NDUFS6: variants seen among roughly 807,000 people sequenced by gnomAD.
NDUFS6 encodes the protein NADH:ubiquinone oxidoreductase subunit S6, also known as NADH dehydrogenase [ubiquinone] iron-sulfur protein 6, mitochondrial.
Under a neutral mutation model 13.2 loss-of-function variants are expected in NDUFS6, and 14 were observed. That is an observed-to-expected ratio of 1.06 (90% CI 0.70 to 1.66). The LOEUF (loss-of-function observed/expected upper bound fraction) is 1.66, where lower values mean the gene tolerates loss of function less well. NDUFS6 is among the 40% of genes most tolerant of loss of function. The pLI is 0.00. For synonymous variants in NDUFS6, 95 were observed against 72.3 expected (o/e 1.31, Z -1.60); for missense variants, 206 against 170.8 (o/e 1.21, Z -1.15).
intron 2 of NDUFS6, among the ~76,000 whole-genome samples, chr5:1,806,382 G>A (rs540337021): frequency 6.6e-6 from 1 of 152,258 alleles, no homozygotes; most frequent in South Asian, 2.1e-4. Context: ...GATTCTGCAC[G>A]TTTTCTGAGA....
intron 3 of NDUFS6, 73 bp from the exon 4 acceptor site, chr5:1,815,778 A>G (rs1403431709): frequency 8.9e-6 from 13 of 1,468,518 alleles, no homozygotes; most frequent in Admixed American, 1.7e-5. Context: ...TTATACATAC[A>G]TTTTCAATGC....
chr5:1,802,318 C>G lies in NDUFS6; in HGVS notation c.133-3C>G. ...CACACATGGTCTTTTTGTTTTTTTC[C>G]AGGTTTATGATGATAAAGACTACAG... On this transcript the variant is annotated splice_polypyrimidine_tract_variant and splice_region_variant and intron_variant, in intron 1 of 3. Coordinates refer to ENST00000274137, the MANE Select transcript of NDUFS6 (RefSeq NM_004553.6). 1 of 1,613,216 alleles carries G rather than the reference C, an allele frequency of 6.2e-7. No homozygotes were observed. The highest frequency in any genetic ancestry group is 8.5e-7 in the Non-Finnish European group (1 of 1,179,706).
chr5:1,803,504 C>G (rs913057463), intron 2 of NDUFS6, among the ~76,000 whole-genome samples: 1 of 152,094 alleles, frequency 6.6e-6, no homozygotes, highest in African/African-American at 2.4e-5. Context: ...GACTTGCAGT[C>G]TAAAAATTGT....
At chr5:1,802,641 T>C (rs761166710) in intron 2 of NDUFS6, among the ~76,000 whole-genome samples, 1 of 152,208 alleles carries the variant, frequency 6.6e-6, no homozygotes, top group Non-Finnish European at 1.5e-5. Context: ...TCCCTTATTC[T>C]CCTGAGACTC....
rs993979787 is a variant in NDUFS6 at position 1,814,777 on chromosome 5, G to T, written c.309+316G>T. The T allele has an allele frequency of 7.4e-6, 5 of 679,126 alleles. No individual in the cohort carries two copies. The highest frequency in any genetic ancestry group is 5.4e-5 in the African/African-American group (3 of 55,998). 42.1% of individuals were successfully genotyped at this position (679,126 alleles called of 1,614,324 possible). ...AGCTCAGGCTGCCACACACAGCACC[G>T]CAGGCTGGGGTCGAAAACAACAAAC... On this transcript the variant is annotated intron_variant, in intron 3 of 3. Coordinates refer to ENST00000274137, the MANE Select transcript of NDUFS6 (RefSeq NM_004553.6). This position sits in a 1 kb window ranked among gnomAD's most constrained non-coding sequence, Gnocchi z 4.9.
In NDUFS6 at chr5:1,814,736, G is replaced by A; in HGVS notation, c.309+275G>A. 1.4e-6 allele frequency: 1 copy of A among 702,352 alleles called. No homozygotes were observed. Among genetic ancestry groups the A allele is most frequent in the Non-Finnish European group, 2.6e-6 (1 of 386,340 alleles). The allele number at this position is 702,352 out of a possible 1,614,324, so 43.5% of individuals were successfully genotyped here. A position where few individuals can be genotyped will look rare whatever the true frequency, so the allele number is the denominator to read the frequency against. On this transcript the variant is annotated intron_variant, in intron 3 of 3. Coordinates refer to ENST00000274137, the MANE Select transcript of NDUFS6 (RefSeq NM_004553.6). The surrounding 1 kb of genome is among the most constrained non-coding windows in gnomAD (Gnocchi z 4.9). ...GTCTTTCCTCTCTGGGCCCTTCTCG[G>A]TTTGGTCATCATCTCAGCTCAGGCT...
chr5:1,807,356 G>A (rs1270942299), intron 2 of NDUFS6, among the ~76,000 whole-genome samples: 2 of 152,200 alleles, frequency 1.3e-5, no homozygotes, highest in Non-Finnish European at 2.9e-5. Context: ...CTGGAGATGG[G>A]TGGTGGTGAT....
Position 1,805,783 on chromosome 5 carries a change from A to G in NDUFS6, c.186+3409A>G, listed in dbSNP as rs1042109027. 2.6e-5 allele frequency among the ~76,000 whole-genome samples: 4 copies of G among 152,232 alleles called. 1 individual carries two copies. Among genetic ancestry groups the G allele is most frequent in the Non-Finnish European group, 4.4e-5 (3 of 68,046 alleles). Reference sequence around the variant, plus strand: ...GGGGAGGTCTGCAGTGAGGTGTGGTAATAATAACAGCAATAACAACAGCCT... The same window carrying G: ...GGGGAGGTCTGCAGTGAGGTGTGGTGATAATAACAGCAATAACAACAGCCT... On this transcript the variant is annotated intron_variant, in intron 2 of 3. Transcript: ENST00000274137.
Position 1,802,360 on chromosome 5 carries a change from G to T in NDUFS6, c.172G>T (p.Gly58Cys). The T allele has an allele frequency of 6.2e-7, 1 of 1,613,978 alleles. No individual in the cohort carries two copies. The highest frequency in any genetic ancestry group is 8.5e-7 in the Non-Finnish European group (1 of 1,179,948). The change falls in exon 2 of 4, where the codon GGT (glycine) becomes TGT (cysteine). Residue 58 changes from glycine to cysteine, a missense_variant. Transcript: ENST00000274137. ...AGACTACAGGAGAATTCGGTTTGTA[G>T]GTCGTCAGAAAGAGGTGAGTAAAAA... is the stretch of plus-strand genomic sequence containing the variant. Reference protein sequence around the residue: ...DKDYRRIRFVGRQKEVNENFA... With the variant: ...DKDYRRIRFVCRQKEVNENFA...
At chr5:1,806,222 C>T in intron 2 of NDUFS6, among the ~76,000 whole-genome samples, 1 of 152,370 alleles carries the variant, frequency 6.6e-6, no homozygotes, top group Admixed American at 6.5e-5. Context: ...CCCCTCTCCA[C>T]CTGTGTGTGT....
chr5:1,812,298 C>T (rs372821230), intron 2 of NDUFS6, among the ~76,000 whole-genome samples: 6 of 152,094 alleles, frequency 3.9e-5, no homozygotes, highest in African/African-American at 1.4e-4. Context: ...CTGAAGGCCC[C>T]GCCCTGTCTC....
chr5:1,813,454 CCTT>C (rs1462234157), intron 2 of NDUFS6, among the ~76,000 whole-genome samples: 1 of 152,042 alleles, frequency 6.6e-6, no homozygotes, highest in East Asian at 1.9e-4. Flanking sequence ...AGTGCTTTCT[CCTT>C]TGGATTTCAT....
At chr5:1,803,926 G>A (rs1734086508) in intron 2 of NDUFS6, among the ~76,000 whole-genome samples, 1 of 152,244 alleles carries the variant, frequency 6.6e-6, no homozygotes, top group Non-Finnish European at 1.5e-5. Context: ...TGATCGTGGA[G>A]AAGGGGAGGT....
chr5:1,815,274 G>A (rs1185390717), intron 3 of NDUFS6, among the ~76,000 whole-genome samples: 1 of 151,974 alleles, frequency 6.6e-6, no homozygotes, highest in African/African-American at 2.4e-5. Flanking sequence ...CTGACCTGGG[G>A]TGCAGGGAGA....
chr5:1,805,176 T>C (rs1171096136), intron 2 of NDUFS6, among the ~76,000 whole-genome samples: 1 of 151,820 alleles, frequency 6.6e-6, no homozygotes, highest in Non-Finnish European at 1.5e-5. Context: ...ACAAAAAATA[T>C]AAAAATTAGC....
At chr5:1,809,902 GGC>G in intron 2 of NDUFS6, among the ~76,000 whole-genome samples, 1 of 152,256 alleles carries the variant, frequency 6.6e-6, no homozygotes, top group African/African-American at 2.4e-5. Context: ...GGCGCCACAC[GGC>G]TCAGGCCTCT....
At chr5:1,806,285 G>A (rs1389219733) in intron 2 of NDUFS6, among the ~76,000 whole-genome samples, 2 of 152,226 alleles carry the variant, frequency 1.3e-5, no homozygotes, top group African/African-American at 4.8e-5. Context: ...CTGCCCGCCA[G>A]TGGGATGGAT....
At chr5:1,801,996 A>G (rs1222557262) in intron 1 of NDUFS6, among the ~76,000 whole-genome samples, 1 of 152,224 alleles carries the variant, frequency 6.6e-6, no homozygotes, top group East Asian at 1.9e-4. Flanking sequence ...AGTAGATTTA[A>G]TGGGGGGATA....
At position 1,802,928 on chromosome 5, in the gene NDUFS6, T is replaced by TTA. The variant is rs397825702; in HGVS notation, c.186+554_186+555insTA. Among the ~76,000 whole-genome samples the TTA allele has an allele frequency of 9.7e-3, 1,481 of 151,980 alleles. 21 individuals carry two copies. Among genetic ancestry groups the TTA allele is most frequent in the Non-Finnish European group, 0.016 (1,117 of 67,922 alleles). Reference sequence around the variant, plus strand: ...CCTAAATCAGCCTATTTTTTTTTTTTACCTGACTCCTTCTCTATCACTCAT... The same window carrying TTA: ...CCTAAATCAGCCTATTTTTTTTTTTTTAACCTGACTCCTTCTCTATCACTCAT... On this transcript the variant is annotated intron_variant, in intron 2 of 3. Transcript: ENST00000274137.
Sources: allele counts gnomAD v4.1 joint callset (sites outside exome capture counted in the v4.1 genomes callset), GRCh38; gene constraint gnomAD v4.1.1; non-coding constraint Gnocchi (gnomAD v3.1); transcripts MANE v1.5; gene names NCBI Gene and HGNC (gene_info 2026-07-23, HGNC 2026-07-21).